LY6S: variants seen among roughly 807,000 people sequenced by gnomAD.
LY6S encodes the protein lymphocyte antigen 6S.
At chr8:143,041,786 C>T in the LY6S span, among the ~76,000 whole-genome samples, 11 of 152,178 alleles carry the variant, frequency 7.2e-5, no homozygotes, top group Admixed American at 3.3e-4. Flanking sequence ...TGGCTTCAGC[C>T]GGTCCCTCTG....
At chr8:143,058,386 G>C in the LY6S span, among the ~76,000 whole-genome samples, 1 of 152,196 alleles carries the variant, frequency 6.6e-6, no homozygotes, top group Non-Finnish European at 1.5e-5. Flanking sequence ...CACGTGGGTT[G>C]CGTGTCCACT....
chr8:143,047,569 A>G, the LY6S span: 1 of 152,266 alleles, frequency 6.6e-6, no homozygotes. Context: ...GCTGTGGTCC[A>G]GCTCATCCAA....
the LY6S span, among the ~76,000 whole-genome samples, chr8:143,068,906 T>C: frequency 6.6e-6 from 1 of 152,088 alleles, no homozygotes; most frequent in Non-Finnish European, 1.5e-5. Flanking sequence ...GGGTCTGAGA[T>C]CTTATGTCCC....
the LY6S span, among the ~76,000 whole-genome samples, chr8:143,058,106 T>C: frequency 6.6e-6 from 1 of 152,158 alleles, no homozygotes; most frequent in Non-Finnish European, 1.5e-5. Context: ...CAGAGAGTGA[T>C]GAGGGTTCTG....
the LY6S span, chr8:143,066,234 T>G: frequency 8.9e-6 from 2 of 224,440 alleles, no homozygotes; most frequent in Non-Finnish European, 1.7e-5. Flanking sequence ...AGAGGCGCAA[T>G]CTCAGCTCAC....
chr8:143,071,486 G>A, the LY6S span, among the ~76,000 whole-genome samples: 15 of 152,130 alleles, frequency 9.9e-5, no homozygotes, highest in African/African-American at 3.1e-4. Context: ...TAATAACCAC[G>A]TATCAATATC....
the LY6S span, chr8:143,043,263 G>C: frequency 7.3e-7 from 1 of 1,360,904 alleles, no homozygotes; most frequent in African/African-American, 1.5e-5. Context: ...AACGGCACTT[G>C]TAAGTTTCAG....
chr8:143,058,793 C>G, the LY6S span, among the ~76,000 whole-genome samples: 1 of 152,192 alleles, frequency 6.6e-6, no homozygotes, highest in Non-Finnish European at 1.5e-5. Flanking sequence ...TGGCAACCGG[C>G]GTCTTCCCAG....
the LY6S span, among the ~76,000 whole-genome samples, chr8:143,062,971 C>T: frequency 1.3e-5 from 2 of 152,198 alleles, no homozygotes; most frequent in African/African-American, 4.8e-5. Flanking sequence ...GTTATGACAG[C>T]TTGGTATTGG....
At chr8:143,046,758 G>A in the LY6S span, among the ~76,000 whole-genome samples, 2 of 152,048 alleles carry the variant, frequency 1.3e-5, no homozygotes, top group African/African-American at 2.4e-5. Flanking sequence ...TAATACCTTT[G>A]GGAGACCGAG....
At chr8:143,062,932 C>T in the LY6S span, among the ~76,000 whole-genome samples, 21 of 152,136 alleles carry the variant, frequency 1.4e-4, no homozygotes, top group African/African-American at 3.4e-4. Context: ...TTATGAATCA[C>T]GTGTCAAGAT....
chr8:143,070,487 A>ATTTTTTTT, the LY6S span, among the ~76,000 whole-genome samples: 7 of 84,064 alleles, frequency 8.3e-5, no homozygotes, highest in African/African-American at 4.6e-4. Context: ...ATATATATAT[A>ATTTTTTTT]TATTTTTTTT....
chr8:143,075,369 C>T, the LY6S span, among the ~76,000 whole-genome samples: 1 of 152,296 alleles, frequency 6.6e-6, no homozygotes, highest in Admixed American at 6.5e-5. The surrounding 1 kb of genome is among the most constrained non-coding windows in gnomAD (Gnocchi z 4.1). Flanking sequence ...AGTCTCCCTC[C>T]TACTCACCAA....
chr8:143,046,809 G>A, the LY6S span, among the ~76,000 whole-genome samples: 1 of 151,698 alleles, frequency 6.6e-6, no homozygotes, highest in South Asian at 2.1e-4. Flanking sequence ...AGATCGGCCT[G>A]GTCAACATGA....
chr8:143,070,489 A>T, the LY6S span, among the ~76,000 whole-genome samples: 2,305 of 81,304 alleles, frequency 0.028, 164 homozygotes, highest in East Asian at 0.06. Context: ...ATATATATAT[A>T]TTTTTTTTTT....
the LY6S span, chr8:143,043,096 G>A: frequency 3.7e-6 from 5 of 1,367,478 alleles, no homozygotes; most frequent in South Asian, 1.1e-5. Flanking sequence ...GGGTAGGCCT[G>A]CGGGGGAGAG....
At chr8:143,047,194 C>T in the LY6S span, among the ~76,000 whole-genome samples, 2 of 150,894 alleles carry the variant, frequency 1.3e-5, no homozygotes, top group African/African-American at 2.4e-5. Context: ...GGCTGGAGTG[C>T]AATGGTGCCA....
At chr8:143,072,022 T>C in the LY6S span, among the ~76,000 whole-genome samples, 1 of 152,332 alleles carries the variant, frequency 6.6e-6, no homozygotes, top group East Asian at 1.9e-4. Context: ...CCCCCATGCT[T>C]CCTCCTGACA....
chr8:143,061,415 C>A, the LY6S span, among the ~76,000 whole-genome samples: 1 of 152,198 alleles, frequency 6.6e-6, no homozygotes, highest in African/African-American at 2.4e-5. Context: ...TTGTACATAT[C>A]TAATAAAATA....
Sources: allele counts gnomAD v4.1 joint callset (sites outside exome capture counted in the v4.1 genomes callset), GRCh38; gene constraint gnomAD v4.1.1; non-coding constraint Gnocchi (gnomAD v3.1); transcripts MANE v1.5; gene names NCBI Gene and HGNC (gene_info 2026-07-23, HGNC 2026-07-21).